Variants in KIF1B observed in about 807,000 individuals in gnomAD.
KIF1B encodes kinesin family member 1B.
KIF1B carries 76 observed loss-of-function variants against 241.9 expected under a neutral mutation model. The observed-to-expected ratio is 0.31, with a 90% CI of 0.26 to 0.38. KIF1B has a LOEUF of 0.38. KIF1B is among the 10% of genes least tolerant of loss of function. The probability of loss-of-function intolerance (pLI) is 1.00; values close to 1 mark genes in which losing one functional copy is unlikely to be tolerated. For synonymous variants in KIF1B, 750 were observed against 796.7 expected (o/e 0.94, Z 0.99); for missense variants, 1,622 against 2,271.4 (o/e 0.71, Z 5.81).
At chr1:10,223,823 C>T (rs1646876971) in intron 1 of KIF1B, among the ~76,000 whole-genome samples, 2 of 151,978 alleles carry the variant, frequency 1.3e-5, no homozygotes, top group African/African-American at 2.4e-5. Flanking sequence ...GGATTACAGG[C>T]GTGAGCCACT....
At chr1:10,264,015 A>C (rs1648305694) in intron 5 of KIF1B, among the ~76,000 whole-genome samples, 1 of 152,198 alleles carries the variant, frequency 6.6e-6, no homozygotes, top group African/African-American at 2.4e-5. Flanking sequence ...ATTTTGACTA[A>C]GTTTCTCACG....
chr1:10,253,870 G>A (rs1005870706), intron 2 of KIF1B, among the ~76,000 whole-genome samples: 1 of 152,188 alleles, frequency 6.6e-6, no homozygotes, highest in African/African-American at 2.4e-5. Context: ...AGCATTTGAG[G>A]TTGGAACATA....
chr1:10,268,483 GA>G (rs1324598418), intron 7 of KIF1B, among the ~76,000 whole-genome samples: 2 of 151,984 alleles, frequency 1.3e-5, no homozygotes, highest in Admixed American at 1.3e-4. Flanking sequence ...ATAGGGTTAA[GA>G]AAAAAACAAT....
intron 22 of KIF1B, chr1:10,304,856 G>C: frequency 7.1e-7 from 1 of 1,411,610 alleles, no homozygotes; most frequent in Non-Finnish European, 9.2e-7. Context: ...TGAAATTTTG[G>C]ATAAAGCATC....
At chr1:10,373,391 C>T (rs1023565971) in intron 45 of KIF1B, among the ~76,000 whole-genome samples, 6 of 151,288 alleles carry the variant, frequency 4.0e-5, no homozygotes, top group Admixed American at 1.3e-4. Flanking sequence ...CCTGCCACCA[C>T]GCCCAGCTAA....
At chr1:10,368,624 C>T in intron 44 of KIF1B, 86 bp downstream of exon 44, 2 of 1,208,910 alleles carry the variant, frequency 1.7e-6, no homozygotes, top group South Asian at 1.2e-5. Context: ...CTGGTTTTTG[C>T]TGCTTTTAAG....
At chr1:10,299,875 A>G (rs950993024) in intron 22 of KIF1B, among the ~76,000 whole-genome samples, 1 of 152,198 alleles carries the variant, frequency 6.6e-6, no homozygotes, top group Non-Finnish European at 1.5e-5. Flanking sequence ...CCGAAGGATC[A>G]TTTTGTGACA....
At chr1:10,220,799 A>G (rs892922473) in intron 1 of KIF1B, among the ~76,000 whole-genome samples, 1 of 151,978 alleles carries the variant, frequency 6.6e-6, no homozygotes, top group Non-Finnish European at 1.5e-5. Context: ...AGTAGCTGGG[A>G]TTACAGGTGC....
At chr1:10,327,160 C>T (rs922167032) in intron 27 of KIF1B, among the ~76,000 whole-genome samples, 2 of 151,956 alleles carry the variant, frequency 1.3e-5, no homozygotes, top group African/African-American at 2.4e-5. Flanking sequence ...AACCTGAGGT[C>T]AGGAGTTTGA....
At chr1:10,238,391 A>AT (rs1182191530) in intron 2 of KIF1B, among the ~76,000 whole-genome samples, 1 of 151,074 alleles carries the variant, frequency 6.6e-6, no homozygotes, top group East Asian at 1.9e-4. Context: ...CAAAAAAAAA[A>AT]AAAAAAAAAA....
At chr1:10,320,230 T>C in intron 23 of KIF1B, 94 bp downstream of exon 23, 1 of 808,198 alleles carries the variant, frequency 1.2e-6, no homozygotes, top group Non-Finnish European at 2.1e-6. Context: ...TGGATTCCTC[T>C]TAGTTGGCCC....
At position 10,219,024 on chromosome 1, in the gene KIF1B, A is replaced by G. The variant is rs529262142; in HGVS notation, c.-80+8146A>G. 3.9e-5 allele frequency among the ~76,000 whole-genome samples: 6 copies of G among 152,294 alleles called. No individual in the cohort carries two copies. The East Asian group carries it at 1.2e-3, about 29-fold the overall frequency. On this transcript the variant is annotated intron_variant, in intron 1 of 48. Transcript: ENST00000676179. Reference sequence around the variant, plus strand: ...ATTGTAATTTAATTTGGAAACATGGAATTTAATGCAAAAAGGGAAAGATAA... The same window carrying G: ...ATTGTAATTTAATTTGGAAACATGGGATTTAATGCAAAAAGGGAAAGATAA...
chr1:10,305,385 T>C (rs1650778978), intron 22 of KIF1B: 3 of 1,053,126 alleles, frequency 2.8e-6, no homozygotes, highest in Non-Finnish European at 3.4e-6. Context: ...GTGGTTTGCA[T>C]TTTGAAGTTC....
Position 10,264,725 on chromosome 1 carries a change from G to A in KIF1B, c.430-2655G>A, listed in dbSNP as rs575227948. On this transcript the variant is annotated intron_variant, in intron 5 of 48. Coordinates refer to ENST00000676179, the MANE Select transcript of KIF1B (RefSeq NM_001365951.3). ...CACCCAGGCTGGAGTGCAGCGGCGC[G>A]GTCTCGGCTCACTTCAACCTCCGCC... is the stretch of plus-strand genomic sequence containing the variant. Among the ~76,000 whole-genome samples the A allele has an allele frequency of 1.1e-4, 16 of 151,762 alleles. No homozygotes were observed. The South Asian group carries it at 1.2e-3, about 12-fold the overall frequency.
chr1:10,308,633 G>C (rs1650940668), intron 22 of KIF1B: 1 of 1,011,120 alleles, frequency 9.9e-7, no homozygotes, highest in African/African-American at 1.7e-5. Context: ...AGAGGGAAAA[G>C]GAAAGCAAGG....
intron 14 of KIF1B, 91 bp from the exon 15 acceptor site, chr1:10,282,231 T>C: frequency 9.6e-7 from 1 of 1,045,796 alleles, no homozygotes; most frequent in Non-Finnish European, 1.4e-6. Flanking sequence ...CTGTCCTTTC[T>C]TACAACGATA....
intron 6 of KIF1B, 96 bp downstream of exon 6, chr1:10,267,654 A>C: frequency 8.4e-7 from 1 of 1,194,238 alleles, no homozygotes. Flanking sequence ...ATAGCTATGA[A>C]AGTTGCTTTA....
At chr1:10,323,053 G>T (rs1152735) in intron 24 of KIF1B, among the ~76,000 whole-genome samples, 6,362 of 152,154 alleles carry the variant, frequency 0.042, 182 homozygotes, top group Non-Finnish European at 0.07. Flanking sequence ...GTAGAGACAG[G>T]GTCTCACTGT....
chr1:10,352,988 A>G (rs1416135651), intron 38 of KIF1B, among the ~76,000 whole-genome samples: 1 of 152,236 alleles, frequency 6.6e-6, no homozygotes, highest in East Asian at 1.9e-4. Flanking sequence ...TCCCATGTGA[A>G]GTTTGAATAG....
Sources: allele counts gnomAD v4.1 joint callset (sites outside exome capture counted in the v4.1 genomes callset), GRCh38; gene constraint gnomAD v4.1.1; transcripts MANE v1.5; gene names NCBI Gene and HGNC (gene_info 2026-07-23, HGNC 2026-07-21).